The following TRPM3 variants were observed in gnomAD, a reference collection of about 807,000 sequenced individuals.
The protein encoded by TRPM3 is transient receptor potential cation channel subfamily M member 3.
In TRPM3, 77 loss-of-function variants were observed where a neutral mutation model predicts 181.2. The observed-to-expected ratio is 0.42, with a 90% CI of 0.35 to 0.51. The LOEUF is 0.51. Ranked by LOEUF, TRPM3 falls within the 20% of genes least tolerant of loss-of-function variation. The pLI, the probability that TRPM3 is intolerant of heterozygous loss-of-function variation, is 0.01. For synonymous variants in TRPM3, 745 were observed against 796.4 expected (o/e 0.94, Z 1.09); for missense variants, 1,759 against 2,196.7 (o/e 0.80, Z 3.98).
At chr9:70,806,929 T>C (rs1444154148) in intron 6 of TRPM3, among the ~76,000 whole-genome samples, 1 of 152,170 alleles carries the variant, frequency 6.6e-6, no homozygotes, top group Non-Finnish European at 1.5e-5. Context: ...GGTCCTATGA[T>C]AAAGTCCCTG....
intron 22 of TRPM3, among the ~76,000 whole-genome samples, chr9:70,557,903 C>T (rs1384384121): frequency 6.6e-6 from 1 of 152,146 alleles, no homozygotes; most frequent in Non-Finnish European, 1.5e-5. Flanking sequence ...TTCCAACTGC[C>T]CAGTGTATAT....
chr9:71,387,686 G>C (rs896134537), intron 1 of TRPM3, among the ~76,000 whole-genome samples: 1 of 152,078 alleles, frequency 6.6e-6, no homozygotes, highest in Non-Finnish European at 1.5e-5. Flanking sequence ...AGTGAAACAA[G>C]TCAGATATCG....
rs538125432 is a variant in TRPM3, at chr9:71,120,055, C to G, written c.177+1123G>C. ...AGGGGTAATACTCTGTTGTGAGGCACCACTTAGCTGTATGGAACTAACTGT... is the reference window on the plus strand; with the variant it reads ...AGGGGTAATACTCTGTTGTGAGGCAGCACTTAGCTGTATGGAACTAACTGT... On this transcript the variant is annotated intron_variant, in intron 1 of 25. Coordinates refer to ENST00000677713, the MANE Select transcript of TRPM3 (RefSeq NM_001366145.2). Among the ~76,000 whole-genome samples the G allele has an allele frequency of 6.2e-4, 95 of 152,252 alleles. 1 individual carries two copies. In the Middle Eastern group the frequency reaches 0.01, roughly 16 times the overall value.
intron 1 of TRPM3, among the ~76,000 whole-genome samples, chr9:71,191,496 T>C (rs1464696125): frequency 2.0e-5 from 3 of 151,732 alleles, no homozygotes; most frequent in Admixed American, 6.6e-5. Context: ...AACACTTATG[T>C]ATTTGTCGTC....
intron 1 of TRPM3, among the ~76,000 whole-genome samples, chr9:71,164,548 G>A (rs569056414): frequency 1.3e-5 from 2 of 152,032 alleles, no homozygotes; most frequent in Non-Finnish European, 2.9e-5. Flanking sequence ...CAGAGGCAGA[G>A]GGTAAGAGAA....
At position 70,839,429 on chromosome 9, in the gene TRPM3, G is replaced by A. The variant is rs114864904; in HGVS notation, c.801+3574C>T. On this transcript the variant is annotated intron_variant, in intron 5 of 25. Coordinates refer to ENST00000677713, the MANE Select transcript of TRPM3 (RefSeq NM_001366145.2). Reference sequence around the variant, plus strand: ...TATTTTTAGGACTAGTATTTGCCTCGCTAGTGCCATCCTAAAGGGGTTAAG... The same window carrying A: ...TATTTTTAGGACTAGTATTTGCCTCACTAGTGCCATCCTAAAGGGGTTAAG... Among the ~76,000 whole-genome samples the A allele has an allele frequency of 5.3e-3, 812 of 152,196 alleles. 10 individuals carry two copies. The highest frequency in any genetic ancestry group is 0.018 in the African/African-American group (754 of 41,550).
At position 71,329,705 on chromosome 9, in the gene TRPM3, TCTC is replaced by T. The variant is rs2089975696; in HGVS notation, c.183+116945_183+116947del. On this transcript the variant is annotated intron_variant, in intron 1 of 24. Coordinates refer to the TRPM3 transcript ENST00000357533. ...ATTTATTATCTCTAAATTCTAGAGT[TCTC>T]CTCCTCTATATTCTTCCTGCATCCT... 2.0e-5 allele frequency among the ~76,000 whole-genome samples: 3 copies of T among 152,284 alleles called. No homozygotes were observed. In the South Asian group the frequency reaches 6.2e-4, roughly 32 times the overall value.
rs150208671 is a variant in TRPM3, at chr9:70,663,689, G to T, written c.1345+17817C>A. ...CACTTAAGTTAATGATTTGTACACA[G>T]TAGGTGTGCCAGGGATTAGGTAATT... On this transcript the variant is annotated intron_variant, in intron 9 of 25. Coordinates refer to ENST00000677713, the MANE Select transcript of TRPM3 (RefSeq NM_001366145.2). Among the ~76,000 whole-genome samples, 894 of 152,258 alleles carry T rather than the reference G, an allele frequency of 5.9e-3. 8 individuals are homozygous for T. The highest frequency in any genetic ancestry group is 0.02 in the African/African-American group (838 of 41,548).
At chr9:70,796,130 A>AT (rs1398397334) in intron 6 of TRPM3, among the ~76,000 whole-genome samples, 1 of 152,212 alleles carries the variant, frequency 6.6e-6, no homozygotes, top group East Asian at 1.9e-4. Context: ...GTTTTAGCTC[A>AT]TTTTACTTTA....
At chr9:71,344,925 G>A (rs78023643) in intron 1 of TRPM3, among the ~76,000 whole-genome samples, 1 of 152,116 alleles carries the variant, frequency 6.6e-6, no homozygotes, top group African/African-American at 2.4e-5. Context: ...GATAAAAAGT[G>A]GGCCAAGGAT....
intron 17 of TRPM3, among the ~76,000 whole-genome samples, chr9:70,618,508 C>G (rs942161439): frequency 2.6e-5 from 4 of 152,298 alleles, no homozygotes; most frequent in Non-Finnish European, 5.9e-5. Context: ...GTTCAGGCAC[C>G]CTCTGCAGCG....
rs111623973 is a variant in TRPM3, at chr9:71,419,580, G to T, written c.183+27073C>A. 7.4e-4 allele frequency among the ~76,000 whole-genome samples: 113 copies of T among 151,898 alleles called. 1 individual carries two copies. The highest frequency in any genetic ancestry group is 2.5e-3 in the African/African-American group (105 of 41,502). Reference sequence around the variant, plus strand: ...CTTTCATAATGGGGTAATAGCAAAAGAGAAAAAACAAAATTTGCAATAAAA... The same window carrying T: ...CTTTCATAATGGGGTAATAGCAAAATAGAAAAAACAAAATTTGCAATAAAA... On this transcript the variant is annotated intron_variant, in intron 1 of 24. Coordinates refer to the TRPM3 transcript ENST00000357533.
At chr9:70,815,426 GCCAAATTGTCTT>G (rs1478810719) in intron 6 of TRPM3, among the ~76,000 whole-genome samples, 2 of 152,272 alleles carry the variant, frequency 1.3e-5, no homozygotes, top group African/African-American at 4.8e-5. Flanking sequence ...AATAGGGGCA[GCCAAATTGTCTT>G]CCAAATAAGA....
chr9:71,215,489 GC>G (rs2131822435), intron 1 of TRPM3, among the ~76,000 whole-genome samples: 1 of 152,304 alleles, frequency 6.6e-6, no homozygotes, highest in South Asian at 2.1e-4. Flanking sequence ...TTACAGAGCT[GC>G]CTAAACTTCC....
At position 70,786,423 on chromosome 9, in the gene TRPM3, T is replaced by A. The variant is rs117773877; in HGVS notation, c.974-2144A>T. ...TTGCTTGATCCCGGGAGGCAGAGGCTGTAGTGAGCCAAGATCACACGATTG... is the reference window on the plus strand; with the variant it reads ...TTGCTTGATCCCGGGAGGCAGAGGCAGTAGTGAGCCAAGATCACACGATTG... On this transcript the variant is annotated intron_variant, in intron 6 of 25. Coordinates refer to ENST00000677713, the MANE Select transcript of TRPM3 (RefSeq NM_001366145.2). 1.3e-3 allele frequency among the ~76,000 whole-genome samples: 193 copies of A among 151,284 alleles called. 1 individual carries two copies. The East Asian group carries it at 0.035, about 27-fold the overall frequency.
At chr9:70,564,418 T>C (rs2049995262) in intron 22 of TRPM3, among the ~76,000 whole-genome samples, 1 of 152,182 alleles carries the variant, frequency 6.6e-6, no homozygotes, top group Non-Finnish European at 1.5e-5. Flanking sequence ...TGGAGTCCAT[T>C]CTCATTGCCT....
chr9:70,798,504 C>T (rs879763109), intron 6 of TRPM3, among the ~76,000 whole-genome samples: 16 of 152,066 alleles, frequency 1.1e-4, no homozygotes, highest in Non-Finnish European at 2.4e-4. Context: ...AAAAGAATGT[C>T]TTTTGGTGAT....
At chr9:70,918,746 GAAGAA>G (rs1296658954) in intron 1 of TRPM3, among the ~76,000 whole-genome samples, 5 of 151,960 alleles carry the variant, frequency 3.3e-5, no homozygotes, top group African/African-American at 1.2e-4. Flanking sequence ...AAAATTAGTA[GAAGAA>G]AAGAAATAAT....
chr9:70,584,645 G>A (rs532622747), intron 22 of TRPM3, among the ~76,000 whole-genome samples: 4 of 152,230 alleles, frequency 2.6e-5, no homozygotes, highest in South Asian at 4.2e-4. Context: ...CCACAACATC[G>A]TATAATCACG....
Sources: gnomAD v4.1 joint callset for allele counts (sites outside exome capture counted in the v4.1 genomes callset) on GRCh38, gnomAD v4.1.1 for gene constraint, MANE v1.5 for transcripts, NCBI Gene and HGNC (gene_info 2026-07-23, HGNC 2026-07-21) for gene names.